RNF103: variants seen among roughly 807,000 people sequenced by gnomAD.
The protein encoded by RNF103 is E3 ubiquitin-protein ligase RNF103.
In RNF103, 23 loss-of-function variants were observed where a neutral mutation model predicts 66.2. The observed-to-expected ratio is 0.35, with a 90% CI of 0.25 to 0.49. The LOEUF is 0.49. Among genes scored for constraint, RNF103 ranks in the 20% least tolerant of loss-of-function variants. RNF103 has a pLI of 0.98. For missense variants in RNF103, 730 were observed against 814.7 expected (o/e 0.90, Z 1.27); for synonymous variants, 297 against 289.9 (o/e 1.02, Z -0.25).
At position 86,612,229 on chromosome 2, in the gene RNF103, C is replaced by G; in HGVS notation, c.412G>C (p.Glu138Gln). 6.2e-7 allele frequency: 1 copy of G among 1,613,698 alleles called. No homozygotes were observed. Residue 138 changes from glutamate to glutamine, a missense_variant, in exon 3 of 4, where the codon GAG becomes CAG. By Grantham distance (29) the Glu-to-Gln change is conservative. Coordinates refer to ENST00000237455, the MANE Select transcript of RNF103 (RefSeq NM_005667.4). ...RSPLVGKIHW[E>Q]KMVKKVSRFG... ...CTTGACACCTTTTTAACCATTTTCTCCCAGTGAATTTTGCCCACCAAGGGA... is the reference window on the plus strand; with the variant it reads ...CTTGACACCTTTTTAACCATTTTCTGCCAGTGAATTTTGCCCACCAAGGGA...
At chr2:86,606,059 G>C (rs1678532898) in intron 3 of RNF103, among the ~76,000 whole-genome samples, 1 of 152,164 alleles carries the variant, frequency 6.6e-6, no homozygotes, top group Non-Finnish European at 1.5e-5. Context: ...ACCAAGAAAA[G>C]AGCAACAGCA....
chr2:86,620,301 A>G (rs1679179386), intron 2 of RNF103, 29 bp downstream of exon 2: 3 of 1,563,684 alleles, frequency 1.9e-6, no homozygotes, highest in Admixed American at 1.8e-5. Flanking sequence ...AGGGCTCTCG[A>G]ATTATCAAAT....
Position 86,604,680 on chromosome 2 carries a change from C to T in RNF103, c.1221G>A (p.Arg407=), listed in dbSNP as rs1329685715. Residue 407 remains arginine (R), a synonymous_variant, in exon 4 of 4, where the codon AGG becomes AGA. Transcript: ENST00000237455. ...GTGAAGAGTAAAACATCCAGTCTGC[C>T]CTTACCCATGAAGCCAGTGTGGTTG... is the stretch of plus-strand genomic sequence containing the variant. ...SNTTTLASWV[R]ADWMFYSSHP... 3 of 1,614,142 alleles carry T rather than the reference C, an allele frequency of 1.9e-6. No homozygotes were observed. In the Admixed American group the frequency reaches 5.0e-5, roughly 27 times the overall value.
intron 2 of RNF103, among the ~76,000 whole-genome samples, chr2:86,615,987 G>C (rs1573365631): frequency 1.3e-5 from 2 of 152,258 alleles, no homozygotes; most frequent in East Asian, 1.9e-4. Flanking sequence ...AGTCTCTAAA[G>C]GAAACTCTTA....
intron 3 of RNF103, among the ~76,000 whole-genome samples, chr2:86,608,803 C>T (rs1678671625): frequency 1.3e-5 from 2 of 152,104 alleles, no homozygotes; most frequent in Non-Finnish European, 1.5e-5. Context: ...AAAAAAAGTA[C>T]AGAGTATGAA....
In RNF103 at chr2:86,615,261, C is replaced by T. The variant is rs1166935961; in HGVS notation, c.367-2987G>A. 18 of 985,060 alleles carry T rather than the reference C, an allele frequency of 1.8e-5. No homozygotes were observed. The South Asian group carries it at 2.8e-4, about 15-fold the overall frequency. The allele number at this position is 985,060 out of a possible 1,614,324, so 61.0% of individuals were successfully genotyped here. A position where few individuals can be genotyped will look rare whatever the true frequency, so the allele number is the denominator to read the frequency against. On this transcript the variant is annotated intron_variant, in intron 2 of 3. Transcript: ENST00000237455. ...TAAGGATCCCTGACTGACAGAGCTA[C>T]ACAAAAATGAAAAATCTTGTAGGCA...
intron 3 of RNF103, among the ~76,000 whole-genome samples, chr2:86,607,713 C>A (rs948268698): frequency 1.3e-5 from 2 of 152,306 alleles, no homozygotes; most frequent in South Asian, 4.1e-4. Flanking sequence ...TTATTTATAT[C>A]TTAAATATCT....
chr2:86,604,973 G>C lies in RNF103; in HGVS notation c.928C>G (p.Gln310Glu), dbSNP rs1396452164. ...GAGCGCAAAAATGAATCCATGGCCT[G>C]AAGGGATATAAATTCGCCTGTGTGG... The part of the protein sequence containing the change: ...GNHTGEFISL[Q>E]AMDSFLRSLQ... Residue 310 changes from glutamine to glutamate, a missense_variant, in exon 4 of 4, where the codon CAG becomes GAG. Physicochemically the swap from Gln to Glu is conservative, Grantham distance 29. Transcript: ENST00000237455. 1 of 1,614,134 alleles carries C rather than the reference G, an allele frequency of 6.2e-7. No homozygotes were observed. Among genetic ancestry groups the C allele is most frequent in the Admixed American group, 1.7e-5 (1 of 60,018 alleles).
At chr2:86,611,831 G>A (rs1678806228) in intron 3 of RNF103, among the ~76,000 whole-genome samples, 1 of 152,278 alleles carries the variant, frequency 6.6e-6, no homozygotes. Context: ...AGCCATGAAT[G>A]TGCTGAGATC....
Position 86,623,462 on chromosome 2 carries a change from A to G in RNF103, c.-576T>C. 13 of 981,706 alleles carry G rather than the reference A, an allele frequency of 1.3e-5. No homozygotes were observed. The highest frequency in any genetic ancestry group is 1.4e-5 in the Non-Finnish European group (12 of 828,588). The allele number at this position is 981,706 out of a possible 1,614,324, so 60.8% of individuals were successfully genotyped here. On this transcript the variant is annotated 5_prime_UTR_variant, in exon 1 of 4. Coordinates refer to ENST00000237455, the MANE Select transcript of RNF103 (RefSeq NM_005667.4). ...GCCCAGCGTGTTCTGCGCGGGGAGG[A>G]GCGGCCGCCGCAACGCCGCGCCCGA...
chr2:86,605,439 A>C lies in RNF103; in HGVS notation c.483-21T>G, dbSNP rs781390870. The C allele has an allele frequency of 1.9e-6, 3 of 1,570,816 alleles. No homozygotes were observed. The South Asian group carries it at 3.6e-5, about 19-fold the overall frequency. ...AATATCTACAAGAGAGGAAACTGTA[A>C]ATAAACAGCTAGGCTGTAATGCAAA... is the stretch of plus-strand genomic sequence containing the variant. On this transcript the variant is annotated intron_variant, in intron 3 of 3. Coordinates refer to ENST00000237455, the MANE Select transcript of RNF103 (RefSeq NM_005667.4).
intron 3 of RNF103, among the ~76,000 whole-genome samples, chr2:86,607,380 G>C (rs1394092047): frequency 6.6e-6 from 1 of 152,136 alleles, no homozygotes; most frequent in Non-Finnish European, 1.5e-5. Context: ...TTTTATCTCA[G>C]GGATTCTGTG....
In RNF103 at chr2:86,603,709, A is replaced by G; in HGVS notation, c.*134T>C. 7.8e-7 allele frequency: 1 copy of G among 1,280,766 alleles called. No individual in the cohort carries two copies. The highest frequency in any genetic ancestry group is 1.1e-6 in the Non-Finnish European group (1 of 945,090). 79.3% of individuals were successfully genotyped at this position (1,280,766 alleles called of 1,614,324 possible). Reference sequence around the variant, plus strand: ...GGCAACCAAATAAATTCTGTCATCAACATTAGCATAATGTGTATTTCCCGT... The same window carrying G: ...GGCAACCAAATAAATTCTGTCATCAGCATTAGCATAATGTGTATTTCCCGT... On this transcript the variant is annotated 3_prime_UTR_variant, in exon 4 of 4. Transcript: ENST00000237455.
intron 2 of RNF103, chr2:86,616,653 A>G: frequency 1.0e-6 from 1 of 985,288 alleles, no homozygotes; most frequent in Non-Finnish European, 1.2e-6. Flanking sequence ...AAATATATTG[A>G]TGTAATACTT....
At chr2:86,622,558 C>A in intron 1 of RNF103, 103 bp downstream of exon 1, 1 of 1,153,854 alleles carries the variant, frequency 8.7e-7, no homozygotes, top group Non-Finnish European at 1.3e-6. Context: ...AGCTTTAACG[C>A]TTCCAGGAAA....
chr2:86,614,455 T>C (rs1288528033), intron 2 of RNF103: 1 of 151,984 alleles, frequency 6.6e-6, no homozygotes, highest in Non-Finnish European at 1.5e-5. Flanking sequence ...AAACAAAAAT[T>C]TGCCGGGCGT....
Position 86,603,712 on chromosome 2 carries a change from T to A in RNF103, c.*131A>T, listed in dbSNP as rs1196928640. The A allele has an allele frequency of 7.7e-7, 1 of 1,301,422 alleles. No individual in the cohort carries two copies. The highest frequency in any genetic ancestry group is 1.5e-5 in the African/African-American group (1 of 67,252). 80.6% of individuals were successfully genotyped at this position (1,301,422 alleles called of 1,614,324 possible). On this transcript the variant is annotated 3_prime_UTR_variant, in exon 4 of 4. Transcript: ENST00000237455. ...AACCAAATAAATTCTGTCATCAACA[T>A]TAGCATAATGTGTATTTCCCGTCAC... is the stretch of plus-strand genomic sequence containing the variant.
intron 3 of RNF103, among the ~76,000 whole-genome samples, chr2:86,611,904 T>C (rs939854513): frequency 2.2e-4 from 34 of 151,746 alleles, no homozygotes; most frequent in African/African-American, 6.5e-4. Context: ...ATATCTTCAA[T>C]AGAAAAAACA....
intron 3 of RNF103, 74 bp from the exon 4 acceptor site, chr2:86,605,492 T>G: frequency 6.8e-7 from 1 of 1,470,704 alleles, no homozygotes; most frequent in Non-Finnish European, 9.1e-7. Flanking sequence ...CAAATTTCTT[T>G]AGCACCTCAC....
Sources: gnomAD v4.1 joint callset for allele counts (sites outside exome capture counted in the v4.1 genomes callset) on GRCh38, gnomAD v4.1.1 for gene constraint, MANE v1.5 for transcripts, NCBI Gene and HGNC (gene_info 2026-07-23, HGNC 2026-07-21) for gene names.